The following KCNQ5 variants were observed in gnomAD, a reference collection of about 807,000 sequenced individuals.
KCNQ5 encodes potassium voltage-gated channel subfamily KQT member 5.
Under a neutral mutation model 98.2 loss-of-function variants are expected in KCNQ5, and 30 were observed. That is an observed-to-expected ratio of 0.31 (90% CI 0.23 to 0.41). KCNQ5 has a LOEUF of 0.41. Ranked by LOEUF, KCNQ5 falls within the 10% of genes least tolerant of loss-of-function variation. The pLI is 1.00. For synonymous variants in KCNQ5, 458 were observed against 449.4 expected (o/e 1.02, Z -0.24); for missense variants, 835 against 1,182.5 (o/e 0.71, Z 4.31).
At chr6:73,184,702 A>G (rs536036689) in intron 11 of KCNQ5, among the ~76,000 whole-genome samples, 2 of 152,328 alleles carry the variant, frequency 1.3e-5, no homozygotes, top group South Asian at 4.1e-4. Flanking sequence ...CATCTACCCC[A>G]GTGAGGGTGG....
rs537479684 is a variant in KCNQ5, at chr6:73,044,339, C to T, written c.616+2277C>T. Among the ~76,000 whole-genome samples the T allele has an allele frequency of 1.6e-4, 25 of 152,256 alleles. No homozygotes were observed. In the South Asian group the frequency reaches 5.0e-3, roughly 30 times the overall value. On this transcript the variant is annotated intron_variant, in intron 3 of 13. Coordinates refer to ENST00000370398, the MANE Select transcript of KCNQ5 (RefSeq NM_019842.4). Reference sequence around the variant, plus strand: ...ATTGCAGTTTTGTTAACCCTTCAGACCTTTTCTTTATTTAGATATTTTACC... The same window carrying T: ...ATTGCAGTTTTGTTAACCCTTCAGATCTTTTCTTTATTTAGATATTTTACC...
In KCNQ5 at chr6:73,195,428, T is replaced by C. The variant is rs141815832; in HGVS notation, c.*14T>C. 1.6e-5 allele frequency: 25 copies of C among 1,607,428 alleles called. No individual in the cohort carries two copies. The East Asian group carries it at 5.6e-4, about 36-fold the overall frequency. On this transcript the variant is annotated 3_prime_UTR_variant, in exon 14 of 14. Coordinates refer to ENST00000370398, the MANE Select transcript of KCNQ5 (RefSeq NM_019842.4). ...AAACTGAAATAAGTTCTTCATTTTC[T>C]TTCCAGGCATAGCAGTTCTTTAGCC...
At chr6:72,754,928 G>A (rs1771885609) in intron 1 of KCNQ5, among the ~76,000 whole-genome samples, 2 of 151,510 alleles carry the variant, frequency 1.3e-5, no homozygotes, top group Admixed American at 1.3e-4. Flanking sequence ...TTGTGAGTTT[G>A]TCACTTTTTT....
At chr6:73,124,400 C>G (rs1269621115) in intron 8 of KCNQ5, 86 bp from the exon 9 acceptor site, 1 of 1,204,128 alleles carries the variant, frequency 8.3e-7, no homozygotes, top group African/African-American at 1.5e-5. Context: ...ATTTGATTCC[C>G]CAATCTCCAA....
chr6:72,653,393 G>T (rs937109318), intron 1 of KCNQ5, among the ~76,000 whole-genome samples: 1 of 151,946 alleles, frequency 6.6e-6, no homozygotes, highest in Non-Finnish European at 1.5e-5. Flanking sequence ...GAAATTTGTT[G>T]CATAGATGTA....
At chr6:73,003,364 A>G (rs1211138705) in intron 1 of KCNQ5, among the ~76,000 whole-genome samples, 1 of 152,100 alleles carries the variant, frequency 6.6e-6, no homozygotes, top group East Asian at 1.9e-4. Context: ...TATTCTTATT[A>G]TTAATATATG....
At chr6:72,759,283 G>A (rs1187409141) in intron 1 of KCNQ5, among the ~76,000 whole-genome samples, 1 of 152,122 alleles carries the variant, frequency 6.6e-6, no homozygotes, top group Non-Finnish European at 1.5e-5. Context: ...GTAAGTCTGA[G>A]GTCAAAAGAC....
rs141824302 is a variant in KCNQ5 at position 72,816,705 on chromosome 6, G to A, written c.399-187203G>A. Among the ~76,000 whole-genome samples the A allele has an allele frequency of 1.9e-3, 291 of 152,272 alleles. 2 individuals carry two copies. The highest frequency in any genetic ancestry group is 0.013 in the Admixed American group (200 of 15,296). ...CCACGAGAATTCCAACAGTGTATGA[G>A]CCATTTTGTAATCCAGTCATGTGGT... On this transcript the variant is annotated intron_variant, in intron 1 of 13. Coordinates refer to ENST00000370398, the MANE Select transcript of KCNQ5 (RefSeq NM_019842.4).
intron 1 of KCNQ5, among the ~76,000 whole-genome samples, chr6:72,733,894 A>T (rs1320725209): frequency 1.3e-5 from 2 of 152,150 alleles, no homozygotes; most frequent in African/African-American, 4.8e-5. Flanking sequence ...TGGCTATGTC[A>T]TTTTCTCCAT....
chr6:72,929,462 C>G (rs1205911320), intron 1 of KCNQ5, among the ~76,000 whole-genome samples: 1 of 152,070 alleles, frequency 6.6e-6, no homozygotes, highest in Non-Finnish European at 1.5e-5. Context: ...CATTAAAATC[C>G]TAAATATATT....
intron 1 of KCNQ5, among the ~76,000 whole-genome samples, chr6:72,656,224 C>A (rs1356072738): frequency 6.6e-6 from 1 of 152,134 alleles, no homozygotes; most frequent in South Asian, 2.1e-4. Flanking sequence ...ACTGGGGACC[C>A]AGGACCACAC....
At chr6:72,720,151 G>A (rs1769872679) in intron 1 of KCNQ5, among the ~76,000 whole-genome samples, 1 of 152,194 alleles carries the variant, frequency 6.6e-6, no homozygotes, top group Admixed American at 6.5e-5. Context: ...CTGTGCTTTT[G>A]AGTCACAGTG....
At position 72,910,597 on chromosome 6, in the gene KCNQ5, TGTGTGTGTGG is replaced by T. The variant is rs879367462; in HGVS notation, c.399-93310_399-93301del. On this transcript the variant is annotated intron_variant, in intron 1 of 13. Coordinates refer to ENST00000370398, the MANE Select transcript of KCNQ5 (RefSeq NM_019842.4). ...GTGTGTGTGTGTGTGTGTGTGTGTG[TGTGTGTGTGG>T]CTGATAAATTATTGACTTCTGTGTA... Among the ~76,000 whole-genome samples the T allele has an allele frequency of 2.6e-3, 396 of 151,472 alleles. 7 individuals are homozygous for T. Among genetic ancestry groups the T allele is most frequent in the Admixed American group, 0.022 (339 of 15,188 alleles).
chr6:72,808,758 C>A (rs540027736), intron 1 of KCNQ5, among the ~76,000 whole-genome samples: 175 of 151,958 alleles, frequency 1.2e-3, no homozygotes, highest in African/African-American at 3.8e-3. Flanking sequence ...ACCAGTCTGA[C>A]CAACATAGTG....
At chr6:73,113,340 A>G (rs1381523491) in intron 7 of KCNQ5, among the ~76,000 whole-genome samples, 5 of 152,240 alleles carry the variant, frequency 3.3e-5, no homozygotes, top group African/African-American at 1.2e-4. Context: ...AACCAATAAT[A>G]CATTTTACAC....
chr6:72,685,571 T>A (rs2154474015), intron 1 of KCNQ5, among the ~76,000 whole-genome samples: 1 of 152,322 alleles, frequency 6.6e-6, no homozygotes, highest in Non-Finnish European at 1.5e-5. Context: ...TCACTATGGA[T>A]GTAAGTTTTT....
At chr6:72,922,279 T>C (rs950957481) in intron 1 of KCNQ5, among the ~76,000 whole-genome samples, 1 of 152,218 alleles carries the variant, frequency 6.6e-6, no homozygotes, top group South Asian at 2.1e-4. Flanking sequence ...GTCTTTGTTA[T>C]TTAATTTTAT....
At chr6:72,681,627 C>T (rs576049548) in intron 1 of KCNQ5, among the ~76,000 whole-genome samples, 1 of 152,280 alleles carries the variant, frequency 6.6e-6, no homozygotes, top group African/African-American at 2.4e-5. Flanking sequence ...AAGATGCAGC[C>T]TCTGCATGCA....
At chr6:72,824,759 GTC>G (rs533370329) in intron 1 of KCNQ5, among the ~76,000 whole-genome samples, 1 of 151,692 alleles carries the variant, frequency 6.6e-6, no homozygotes, top group Non-Finnish European at 1.5e-5. Flanking sequence ...CCTACATTTA[GTC>G]TCTCTCTCTT....
Sources: allele counts gnomAD v4.1 joint callset (sites outside exome capture counted in the v4.1 genomes callset), GRCh38; gene constraint gnomAD v4.1.1; transcripts MANE v1.5; gene names NCBI Gene and HGNC (gene_info 2026-07-23, HGNC 2026-07-21).